The following CDK14 variants were observed in gnomAD, a reference collection of about 807,000 sequenced individuals.
The protein encoded by CDK14 is cyclin dependent kinase 14.
In CDK14, 34 loss-of-function variants were observed where a neutral mutation model predicts 60.7. The observed-to-expected ratio is 0.56, with a 90% CI of 0.43 to 0.75. The LOEUF (loss-of-function observed/expected upper bound fraction) is 0.75. Among genes scored for constraint, CDK14 ranks in the 30% least tolerant of loss-of-function variants. CDK14 has a pLI of 0.00. For synonymous variants in CDK14, 197 were observed against 203.7 expected (o/e 0.97, Z 0.28); for missense variants, 482 against 564.1 (o/e 0.85, Z 1.47).
At chr7:90,704,457 G>A (rs763402669) in intron 2 of CDK14, among the ~76,000 whole-genome samples, 44 of 152,156 alleles carry the variant, frequency 2.9e-4, no homozygotes, top group African/African-American at 9.7e-4. Flanking sequence ...GCATGTATGT[G>A]TGTTTATTAG....
intron 11 of CDK14, among the ~76,000 whole-genome samples, chr7:91,062,254 C>T (rs1019196067): frequency 2.0e-5 from 3 of 152,134 alleles, no homozygotes; most frequent in Non-Finnish European, 4.4e-5. Context: ...TGGAAAAGCG[C>T]AGTATTAGGG....
At chr7:90,903,219 C>T (rs1004019607) in intron 7 of CDK14, among the ~76,000 whole-genome samples, 1 of 152,074 alleles carries the variant, frequency 6.6e-6, no homozygotes, top group African/African-American at 2.4e-5. Flanking sequence ...TCCAACAGTC[C>T]TACTAATGGG....
intron 2 of CDK14, among the ~76,000 whole-genome samples, chr7:90,665,216 C>T (rs1285102576): frequency 2.6e-5 from 4 of 151,906 alleles, no homozygotes; most frequent in Admixed American, 6.6e-5. Context: ...ACCCAGGAGG[C>T]GAAGGTTGCA....
At chr7:90,820,330 G>T (rs867857805) in intron 5 of CDK14, among the ~76,000 whole-genome samples, 4 of 152,040 alleles carry the variant, frequency 2.6e-5, no homozygotes, top group Admixed American at 2.0e-4. Flanking sequence ...ATGTGGTTTG[G>T]CTCTGTGTCC....
chr7:91,139,848 T>G (rs1463802512), intron 14 of CDK14, among the ~76,000 whole-genome samples: 2 of 149,702 alleles, frequency 1.3e-5, no homozygotes, highest in African/African-American at 4.9e-5. Context: ...CTTTCTTCCT[T>G]TTTTTCTCTT....
intron 14 of CDK14, among the ~76,000 whole-genome samples, chr7:91,197,432 G>T: frequency 6.6e-6 from 1 of 151,392 alleles, no homozygotes. Flanking sequence ...CCCAAATCCT[G>T]GAAACCTCCT....
At chr7:91,060,117 T>C (rs1797731679) in intron 11 of CDK14, among the ~76,000 whole-genome samples, 1 of 152,252 alleles carries the variant, frequency 6.6e-6, no homozygotes, top group African/African-American at 2.4e-5. Flanking sequence ...TTTAGGATAG[T>C]TAGCTCTTCT....
At chr7:90,874,354 T>A (rs1206080193) in intron 6 of CDK14, among the ~76,000 whole-genome samples, 1 of 152,130 alleles carries the variant, frequency 6.6e-6, no homozygotes, top group Non-Finnish European at 1.5e-5. Context: ...GTAAGATTGC[T>A]CCATTTTTCA....
At chr7:90,639,039 T>C (rs1268431586) in intron 2 of CDK14, among the ~76,000 whole-genome samples, 1 of 152,166 alleles carries the variant, frequency 6.6e-6, no homozygotes, top group Non-Finnish European at 1.5e-5. Flanking sequence ...CATCTAAATT[T>C]TTTTCAAAGT....
chr7:90,907,268 G>C (rs1429097952), intron 7 of CDK14, among the ~76,000 whole-genome samples: 2 of 151,920 alleles, frequency 1.3e-5, no homozygotes, highest in African/African-American at 4.8e-5. Flanking sequence ...TATTGGGTTT[G>C]AGCTATCATA....
intron 4 of CDK14, among the ~76,000 whole-genome samples, chr7:90,751,943 A>G (rs187016605): frequency 2.8e-4 from 42 of 152,374 alleles, no homozygotes; most frequent in Admixed American, 2.2e-3. Context: ...AGGGCGTTAC[A>G]TAATGATAAA....
intron 5 of CDK14, among the ~76,000 whole-genome samples, chr7:90,849,423 A>T (rs1452657736): frequency 6.6e-6 from 1 of 152,070 alleles, no homozygotes; most frequent in Admixed American, 6.6e-5. Context: ...CTTTATAGCA[A>T]CACAAAATGG....
At chr7:90,792,632 T>C (rs1053058912) in intron 5 of CDK14, among the ~76,000 whole-genome samples, 1 of 152,208 alleles carries the variant, frequency 6.6e-6, no homozygotes, top group African/African-American at 2.4e-5. Context: ...ACCTGAAATC[T>C]GTCCACGTTC....
chr7:91,082,872 A>C (rs889171966), intron 12 of CDK14, among the ~76,000 whole-genome samples: 1 of 152,228 alleles, frequency 6.6e-6, no homozygotes, highest in African/African-American at 2.4e-5. Flanking sequence ...GATGTGTACC[A>C]TTAAGATTTA....
intron 2 of CDK14, among the ~76,000 whole-genome samples, chr7:90,640,481 A>G (rs1331519932): frequency 6.6e-6 from 1 of 152,144 alleles, no homozygotes. Context: ...CTTTAAGCAT[A>G]AATGTATTTA....
chr7:90,838,662 G>A (rs1297858611), intron 5 of CDK14, among the ~76,000 whole-genome samples: 5 of 152,164 alleles, frequency 3.3e-5, no homozygotes, highest in Non-Finnish European at 7.3e-5. Flanking sequence ...GTCTTATGCA[G>A]TTGAGATAAG....
chr7:90,740,177 T>C (rs979698024), intron 3 of CDK14, among the ~76,000 whole-genome samples: 1 of 151,760 alleles, frequency 6.6e-6, no homozygotes, highest in Non-Finnish European at 1.5e-5. Context: ...TCTCCTCCGT[T>C]TCTTTCTATA....
At chr7:91,200,803 A>G (rs1420738793) in intron 14 of CDK14, among the ~76,000 whole-genome samples, 1 of 152,224 alleles carries the variant, frequency 6.6e-6, no homozygotes, top group African/African-American at 2.4e-5. Flanking sequence ...AACTCTTAAG[A>G]ATAGGCTAAA....
At chr7:91,006,318 CT>C (rs1249430051) in intron 10 of CDK14, among the ~76,000 whole-genome samples, 1 of 152,212 alleles carries the variant, frequency 6.6e-6, no homozygotes, top group African/African-American at 2.4e-5. Context: ...TCCATTCTGT[CT>C]GCTATATAGG....
Sources: gnomAD v4.1 joint callset for allele counts (sites outside exome capture counted in the v4.1 genomes callset) on GRCh38, gnomAD v4.1.1 for gene constraint, MANE v1.5 for transcripts, NCBI Gene and HGNC (gene_info 2026-07-23, HGNC 2026-07-21) for gene names.